Variants in STK33 observed in about 807,000 individuals in gnomAD.
STK33 encodes the protein serine/threonine kinase 33.
In STK33, 52 loss-of-function variants were observed where a neutral mutation model predicts 58.0. That is an observed-to-expected ratio of 0.90 (90% CI 0.72 to 1.13). STK33 has a LOEUF of 1.13. Among genes scored for constraint, STK33 ranks in the 50% most tolerant of loss-of-function variants. The pLI, the probability that STK33 is intolerant of heterozygous loss-of-function variation, is 0.00. For synonymous variants in STK33, 215 were observed against 200.1 expected (o/e 1.07, Z -0.63); for missense variants, 630 against 604.2 (o/e 1.04, Z -0.45).
chr11:8,591,650 G>A (rs371826177), intron 1 of STK33, among the ~76,000 whole-genome samples: 2 of 152,274 alleles, frequency 1.3e-5, no homozygotes, highest in East Asian at 3.9e-4. Flanking sequence ...AGAGGTTGCA[G>A]CTTCTCTCCT....
intron 1 of STK33, among the ~76,000 whole-genome samples, chr11:8,577,379 GAACA>G (rs930482745): frequency 7.2e-5 from 11 of 151,902 alleles, no homozygotes; most frequent in Non-Finnish European, 1.5e-4. Context: ...AATATTAGGA[GAACA>G]AACAAAACTA....
intron 15 of STK33, among the ~76,000 whole-genome samples, chr11:8,412,788 C>T (rs1421406510): frequency 6.6e-6 from 1 of 152,096 alleles, no homozygotes; most frequent in Non-Finnish European, 1.5e-5. Context: ...GAGAAATTTT[C>T]TGCAAATTCA....
intron 1 of STK33, among the ~76,000 whole-genome samples, chr11:8,480,937 T>C (rs1253965658): frequency 6.6e-6 from 1 of 152,220 alleles, no homozygotes; most frequent in East Asian, 1.9e-4. Context: ...TAGCTTTGAC[T>C]ATCAAGCACC....
At chr11:8,435,106 AG>A (rs772151628) in intron 14 of STK33, among the ~76,000 whole-genome samples, 2 of 152,196 alleles carry the variant, frequency 1.3e-5, no homozygotes, top group East Asian at 3.8e-4. Flanking sequence ...GGCTTTTCTG[AG>A]TCCCCAAAGA....
intron 1 of STK33, among the ~76,000 whole-genome samples, chr11:8,530,403 T>C (rs1167051898): frequency 6.6e-6 from 1 of 151,726 alleles, no homozygotes; most frequent in Non-Finnish European, 1.5e-5. Flanking sequence ...GGGAAATAGT[T>C]GAAATTTTAT....
At chr11:8,425,199 C>T (rs936533273) in intron 14 of STK33, among the ~76,000 whole-genome samples, 13 of 152,130 alleles carry the variant, frequency 8.5e-5, no homozygotes, top group Non-Finnish European at 1.8e-4. Context: ...CAGCTTTCTA[C>T]ATATGGCTAG....
At chr11:8,487,962 T>C (rs1950305090) in intron 1 of STK33, among the ~76,000 whole-genome samples, 1 of 152,236 alleles carries the variant, frequency 6.6e-6, no homozygotes, top group South Asian at 2.1e-4. Flanking sequence ...GTCCCATCTC[T>C]GACTCCCTTA....
the STK33 span, among the ~76,000 whole-genome samples, chr11:8,377,766 C>G: frequency 6.6e-6 from 1 of 152,174 alleles, no homozygotes; most frequent in African/African-American, 2.4e-5. Context: ...TCAGTAAAGT[C>G]TCAGGTAATA....
chr11:8,365,122 AGG>A, the STK33 span, among the ~76,000 whole-genome samples: 1 of 152,180 alleles, frequency 6.6e-6, no homozygotes, highest in Non-Finnish European at 1.5e-5. Context: ...CTCTAGACCC[AGG>A]GGGACGTGTC....
At chr11:8,347,523 G>C in the STK33 span, among the ~76,000 whole-genome samples, 1 of 152,268 alleles carries the variant, frequency 6.6e-6, no homozygotes, top group Non-Finnish European at 1.5e-5. Context: ...GATCCGGGCT[G>C]AGGAAGCAGC....
At chr11:8,573,155 A>G (rs183806715) in intron 1 of STK33, among the ~76,000 whole-genome samples, 11 of 152,338 alleles carry the variant, frequency 7.2e-5, no homozygotes, top group Non-Finnish European at 1.3e-4. Flanking sequence ...AATTATTAAA[A>G]AGACAATTAC....
chr11:8,551,490 G>C (rs1295790984), intron 1 of STK33, among the ~76,000 whole-genome samples: 1 of 152,104 alleles, frequency 6.6e-6, no homozygotes, highest in African/African-American at 2.4e-5. Flanking sequence ...TCCACTGCTA[G>C]AGCTTTGTTA....
intron 12 of STK33, among the ~76,000 whole-genome samples, chr11:8,437,637 CTAATTTTCTTTA>C (rs1944241224): frequency 6.7e-6 from 1 of 149,724 alleles, no homozygotes; most frequent in South Asian, 2.2e-4. Flanking sequence ...TACATTTTTA[CTAATTTTCTTTA>C]TATTTTTCTT....
At chr11:8,535,613 G>C (rs573151408) in intron 1 of STK33, among the ~76,000 whole-genome samples, 1 of 152,184 alleles carries the variant, frequency 6.6e-6, no homozygotes, top group Admixed American at 6.5e-5. Flanking sequence ...AGAGAAAAGG[G>C]AACTCTTATA....
intron 1 of STK33, among the ~76,000 whole-genome samples, chr11:8,509,116 CAAAAAAAAAA>C (rs1161851155): frequency 2.2e-5 from 1 of 45,416 alleles, no homozygotes; most frequent in African/African-American, 8.2e-5. Context: ...AACTCTGTCT[CAAAAAAAAAA>C]AAAAAAAAAA....
chr11:8,444,437 A>G (rs1181770614), intron 11 of STK33, among the ~76,000 whole-genome samples: 1 of 152,200 alleles, frequency 6.6e-6, no homozygotes, highest in African/African-American at 2.4e-5. Context: ...CCATGAAGGC[A>G]AAACATTTTT....
intron 15 of STK33, among the ~76,000 whole-genome samples, chr11:8,396,225 T>A (rs142255967): frequency 1.3e-4 from 20 of 152,290 alleles, no homozygotes; most frequent in African/African-American, 4.6e-4. Context: ...TACCTCAGCC[T>A]CCCGAGTAGT....
At chr11:8,346,327 G>A in the STK33 span, among the ~76,000 whole-genome samples, 1 of 152,218 alleles carries the variant, frequency 6.6e-6, no homozygotes, top group Non-Finnish European at 1.5e-5. Context: ...GAGGTGGGAG[G>A]AGAGCAGCAA....
intron 6 of STK33, chr11:8,465,106 C>CTT: frequency 4.7e-6 from 1 of 212,978 alleles, no homozygotes; most frequent in Non-Finnish European, 9.3e-6. Flanking sequence ...CTCTTTCAAA[C>CTT]TATAATATAT....
Sources: allele counts gnomAD v4.1 joint callset (sites outside exome capture counted in the v4.1 genomes callset), GRCh38; gene constraint gnomAD v4.1.1; transcripts MANE v1.5; gene names NCBI Gene and HGNC (gene_info 2026-07-23, HGNC 2026-07-21).